Variants in GNAL observed in about 807,000 individuals in gnomAD.
GNAL encodes guanine nucleotide-binding protein G(olf) subunit alpha.
In GNAL, 18 loss-of-function variants were observed where a neutral mutation model predicts 55.1. The ratio of observed to expected loss-of-function variants is 0.33; its 90% CI spans 0.23 to 0.48. The LOEUF (loss-of-function observed/expected upper bound fraction) is 0.48, where lower values mean the gene tolerates loss of function less well. Ranked by LOEUF, GNAL falls within the 20% of genes least tolerant of loss-of-function variation. GNAL has a pLI of 0.99. For missense variants in GNAL, 412 were observed against 614.1 expected (o/e 0.67, Z 3.48); for synonymous variants, 253 against 237.0 (o/e 1.07, Z -0.62).
At chr18:11,855,820 A>G (rs374706194) in intron 5 of GNAL, among the ~76,000 whole-genome samples, 9 of 152,102 alleles carry the variant, frequency 5.9e-5, no homozygotes, top group Admixed American at 4.6e-4. Flanking sequence ...TAAAAATACA[A>G]AATTAGCCGG....
chr18:11,856,923 C>G (rs1457179458), intron 5 of GNAL, among the ~76,000 whole-genome samples: 3 of 152,054 alleles, frequency 2.0e-5, no homozygotes, highest in Admixed American at 6.5e-5. Context: ...CAGAGTGAGA[C>G]TGTCTCAAAA....
intron 4 of GNAL, among the ~76,000 whole-genome samples, chr18:11,797,643 T>TG (rs2034424759): frequency 6.6e-6 from 1 of 151,590 alleles, no homozygotes; most frequent in South Asian, 2.1e-4. Flanking sequence ...ACTTGGGTGG[T>TG]GGGGGGGCTG....
At chr18:11,842,244 T>C (rs2035633245) in intron 5 of GNAL, among the ~76,000 whole-genome samples, 2 of 152,046 alleles carry the variant, frequency 1.3e-5, no homozygotes, top group Non-Finnish European at 2.9e-5. Context: ...GCCTCCCAAA[T>C]TGCTGGGATT....
At position 11,739,756 on chromosome 18, in the gene GNAL, T is replaced by C. The variant is rs529918676; in HGVS notation, c.377-13097T>C. 2.6e-5 allele frequency among the ~76,000 whole-genome samples: 4 copies of C among 152,214 alleles called. No individual in the cohort carries two copies. In the East Asian group the frequency reaches 7.7e-4, roughly 29 times the overall value. On this transcript the variant is annotated intron_variant, in intron 1 of 11. Coordinates refer to ENST00000334049, the MANE Select transcript of GNAL (RefSeq NM_182978.4). ...GTGGTGTCCTTCCCGGGGTCTCACC[T>C]GTGGAAACCTGTGATGCCCACACCT...
chr18:11,821,658 C>A (rs1304990302), intron 4 of GNAL, among the ~76,000 whole-genome samples: 1 of 152,226 alleles, frequency 6.6e-6, no homozygotes, highest in Non-Finnish European at 1.5e-5. Context: ...GAGCTGAGGC[C>A]TGGGGGCGCT....
At position 11,751,484 on chromosome 18, in the gene GNAL, G is replaced by C. The variant is rs1287442334; in HGVS notation, c.377-1369G>C. 7 of 985,402 alleles carry C rather than the reference G, an allele frequency of 7.1e-6. No homozygotes were observed. The highest frequency in any genetic ancestry group is 8.4e-6 in the Non-Finnish European group (7 of 829,844). The allele number at this position is 985,402 out of a possible 1,614,324, so 61.0% of individuals were successfully genotyped here. ...GGCGAGCTGGAATAGTCTAGAAGCT[G>C]AGCAGAACAAAGGCGGTGTGACTGG... is the stretch of plus-strand genomic sequence containing the variant. On this transcript the variant is annotated intron_variant, in intron 1 of 11. Transcript: ENST00000334049. The surrounding 1 kb of genome is among the most constrained non-coding windows in gnomAD (Gnocchi z 4.5).
chr18:11,815,113 G>A (rs1273149084), intron 4 of GNAL, among the ~76,000 whole-genome samples: 1 of 152,124 alleles, frequency 6.6e-6, no homozygotes, highest in Non-Finnish European at 1.5e-5. Flanking sequence ...TTAGCCAGAA[G>A]AGCAGACTTG....
At chr18:11,764,243 T>A (rs936071235) in intron 4 of GNAL, among the ~76,000 whole-genome samples, 2 of 152,122 alleles carry the variant, frequency 1.3e-5, no homozygotes, top group Admixed American at 6.5e-5. Flanking sequence ...TAGCTGGAAT[T>A]ACAGGCACCT....
Position 11,721,889 on chromosome 18 carries a change from A to AAAATAAAT in GNAL, c.377-30925_377-30918dup, listed in dbSNP as rs145268603. Among the ~76,000 whole-genome samples the AAAATAAAT allele has an allele frequency of 2.0e-3, 298 of 145,932 alleles. 2 individuals are homozygous for AAAATAAAT. The highest frequency in any genetic ancestry group is 3.7e-3 in the African/African-American group (147 of 39,424). On this transcript the variant is annotated intron_variant, in intron 1 of 11. Transcript: ENST00000334049. The stretch of plus-strand genomic sequence containing the variant: ...AGACAAGAGTGAAACTCTGTCTCAA[A>AAAATAAAT]AAATAAATAAATAAATAAATAAATA...
chr18:11,778,730 T>C (rs544483200), intron 4 of GNAL, among the ~76,000 whole-genome samples: 23 of 152,236 alleles, frequency 1.5e-4, no homozygotes, highest in African/African-American at 5.5e-4. Flanking sequence ...GAACCCATTT[T>C]TATCAGTTCC....
Position 11,689,769 on chromosome 18 carries a change from A to G in GNAL, c.206A>G (p.Asp69Gly), listed in dbSNP as rs758969552. The G allele has an allele frequency of 2.6e-6, 4 of 1,522,072 alleles. No homozygotes were observed. The South Asian group carries it at 4.9e-5, about 19-fold the overall frequency. 94.3% of individuals were successfully genotyped at this position (1,522,072 alleles called of 1,614,324 possible). The change falls in exon 1 of 12, where the codon GAC becomes GGC. Residue 69 changes from aspartate to glycine, a missense_variant. Around this residue, in one of 5 missense-constraint regions of GNAL, gnomAD observed 228 missense variants for 194.8 expected, o/e 1.17. Transcript: ENST00000334049. ...CCGGCATGCGCTCGGCCCAAAGCAGACAAGCCGAAGGAGAAGCGGCAGCGC... is the reference window on the plus strand; with the variant it reads ...CCGGCATGCGCTCGGCCCAAAGCAGGCAAGCCGAAGGAGAAGCGGCAGCGC... The part of the protein sequence containing the change: ...GSPACARPKA[D>G]KPKEKRQRTE...
intron 11 of GNAL, 23 bp downstream of exon 11, chr18:11,876,711 GT>G: frequency 7.5e-7 from 1 of 1,333,742 alleles, no homozygotes; most frequent in Non-Finnish European, 1.1e-6. Flanking sequence ...GTTAACCTTT[GT>G]TTTTCTACCT....
intron 4 of GNAL, among the ~76,000 whole-genome samples, chr18:11,785,955 G>A (rs1447573684): frequency 1.3e-5 from 2 of 152,174 alleles, no homozygotes; most frequent in Non-Finnish European, 2.9e-5. Context: ...GAAAGAAAAT[G>A]ACTGTTCCCT....
chr18:11,841,277 C>T (rs978447855), intron 5 of GNAL, among the ~76,000 whole-genome samples: 2 of 152,126 alleles, frequency 1.3e-5, no homozygotes, highest in Admixed American at 6.6e-5. Context: ...TTTCAGATGG[C>T]AGTCACAGCT....
At chr18:11,804,192 G>A (rs1470792575) in intron 4 of GNAL, among the ~76,000 whole-genome samples, 1 of 123,540 alleles carries the variant, frequency 8.1e-6, no homozygotes. Context: ...AAGTACAGGT[G>A]CGGTTTGGAT....
At chr18:11,788,447 C>T (rs1477481) in intron 4 of GNAL, among the ~76,000 whole-genome samples, 19,778 of 151,822 alleles carry the variant, frequency 0.13, 1,498 homozygotes, top group East Asian at 0.32. Context: ...TATAAGTGTG[C>T]CCCCACCCCA....
At chr18:11,766,127 G>A (rs576441280) in intron 4 of GNAL, among the ~76,000 whole-genome samples, 1 of 152,298 alleles carries the variant, frequency 6.6e-6, no homozygotes, top group African/African-American at 2.4e-5. Flanking sequence ...CAACACGTGT[G>A]GTTTGTGAGA....
At chr18:11,808,656 C>T (rs1295180385) in intron 4 of GNAL, among the ~76,000 whole-genome samples, 1 of 151,992 alleles carries the variant, frequency 6.6e-6, no homozygotes, top group East Asian at 1.9e-4. Flanking sequence ...AGGCATGTAT[C>T]CAAACGGAAT....
At chr18:11,856,867 A>G (rs375113820) in intron 5 of GNAL, among the ~76,000 whole-genome samples, 12 of 152,186 alleles carry the variant, frequency 7.9e-5, no homozygotes, top group East Asian at 1.9e-4. Context: ...AGGAGGGGGA[A>G]GTTGCTGTGA....
Sources: allele counts gnomAD v4.1 joint callset (sites outside exome capture counted in the v4.1 genomes callset), GRCh38; gene constraint gnomAD v4.1.1; regional missense constraint gnomAD v4.1.1; non-coding constraint Gnocchi (gnomAD v3.1); transcripts MANE v1.5; gene names NCBI Gene and HGNC (gene_info 2026-07-23, HGNC 2026-07-21).